GALNT16: variants seen among roughly 807,000 people sequenced by gnomAD.
GALNT16 encodes the protein polypeptide N-acetylgalactosaminyltransferase 16, also known as UDP-GalNAc:polypeptide N-acetylgalactosaminyltransferase-like protein 1.
Under a neutral mutation model 76.1 loss-of-function variants are expected in GALNT16, and 40 were observed. The ratio of observed to expected loss-of-function variants is 0.53; its 90% CI spans 0.41 to 0.68. The LOEUF is 0.68. GALNT16 is among the 30% of genes least tolerant of loss of function. The pLI is 0.00. For missense variants in GALNT16, 621 were observed against 731.9 expected (o/e 0.85, Z 1.75); for synonymous variants, 276 against 285.2 (o/e 0.97, Z 0.32).
At chr14:69,321,605 T>C (rs182938466) in intron 2 of GALNT16, among the ~76,000 whole-genome samples, 1 of 152,072 alleles carries the variant, frequency 6.6e-6, no homozygotes, top group African/African-American at 2.4e-5. Context: ...CCCCAGCACT[T>C]GATGGTCCTG....
chr14:69,333,781 C>T lies in GALNT16; in HGVS notation c.967+181C>T. ...GATCTCCATTTTACTGATTTTAAAA[C>T]CCAAGGCACAGAGAAGTTAAGCAAT... On this transcript the variant is annotated intron_variant, in intron 9 of 14. Coordinates refer to ENST00000448469, the MANE Select transcript of GALNT16 (RefSeq NM_001168368.2). This position sits in a 1 kb window ranked among gnomAD's most constrained non-coding sequence, Gnocchi z 4.2. 3.6e-6 allele frequency: 2 copies of T among 558,186 alleles called. No individual in the cohort carries two copies. Among genetic ancestry groups the T allele is most frequent in the South Asian group, 2.3e-5 (1 of 43,924 alleles). The allele number at this position is 558,186 out of a possible 1,614,324, so 34.6% of individuals were successfully genotyped here. A position where few individuals can be genotyped will look rare whatever the true frequency, so the allele number is the denominator to read the frequency against.
At chr14:69,334,660 G>C (rs1167020594) in intron 9 of GALNT16, among the ~76,000 whole-genome samples, 1 of 152,156 alleles carries the variant, frequency 6.6e-6, no homozygotes, top group East Asian at 1.9e-4. Context: ...CCACGATGGA[G>C]CTGTGGTCTT....
chr14:69,299,401 A>G (rs944748413), intron 1 of GALNT16, among the ~76,000 whole-genome samples: 1 of 152,168 alleles, frequency 6.6e-6, no homozygotes, highest in African/African-American at 2.4e-5. Context: ...ATCTGGCAGT[A>G]CTTTGGAATG....
intron 1 of GALNT16, among the ~76,000 whole-genome samples, chr14:69,274,637 A>T (rs139863522): frequency 1.3e-5 from 2 of 152,300 alleles, no homozygotes; most frequent in African/African-American, 4.8e-5. Context: ...AGAGCAAGCA[A>T]TCTGGGAGAC....
chr14:69,279,558 A>G (rs73290580), intron 1 of GALNT16, among the ~76,000 whole-genome samples: 1,900 of 152,366 alleles, frequency 0.012, 40 homozygotes, highest in African/African-American at 0.042. Flanking sequence ...GCTGGTTTAC[A>G]AGGATAAGTA....
intron 1 of GALNT16, among the ~76,000 whole-genome samples, chr14:69,270,278 A>G (rs891178597): frequency 5.3e-5 from 8 of 152,118 alleles, no homozygotes; most frequent in Non-Finnish European, 8.8e-5. Context: ...GGTTGATAAA[A>G]GGGGCTGCCC....
intron 1 of GALNT16, among the ~76,000 whole-genome samples, chr14:69,304,836 T>G (rs1182519863): frequency 6.6e-6 from 1 of 152,264 alleles, no homozygotes; most frequent in East Asian, 1.9e-4. Context: ...TTTCATTGTA[T>G]GCATCTACCA....
intron 12 of GALNT16, among the ~76,000 whole-genome samples, chr14:69,342,564 G>A (rs1772671277): frequency 6.6e-6 from 1 of 150,744 alleles, no homozygotes. Context: ...CAACAATAGG[G>A]GTTGGCTTCA....
At chr14:69,296,111 C>A (rs1199172283) in intron 1 of GALNT16, among the ~76,000 whole-genome samples, 1 of 152,128 alleles carries the variant, frequency 6.6e-6, no homozygotes, top group African/African-American at 2.4e-5. Flanking sequence ...CAGGAAACTT[C>A]CAATCATGGG....
At chr14:69,301,009 C>T (rs929880167) in intron 1 of GALNT16, among the ~76,000 whole-genome samples, 3 of 152,206 alleles carry the variant, frequency 2.0e-5, no homozygotes, top group African/African-American at 7.2e-5. Flanking sequence ...AGGCAGCCCC[C>T]TGGGAGTGCT....
intron 1 of GALNT16, among the ~76,000 whole-genome samples, chr14:69,288,056 G>A (rs4902712): frequency 0.69 from 104,565 of 152,084 alleles, 36,771 homozygotes; most frequent in East Asian, 1. Flanking sequence ...AAAGCAAACT[G>A]ACAGTGTCTG....
At chr14:69,343,885 C>G (rs183462742) in intron 12 of GALNT16, among the ~76,000 whole-genome samples, 2 of 152,206 alleles carry the variant, frequency 1.3e-5, no homozygotes, top group South Asian at 4.1e-4. Context: ...GAACCAGCTA[C>G]GTCGATGAGG....
intron 1 of GALNT16, among the ~76,000 whole-genome samples, chr14:69,301,631 A>AC (rs2044853622): frequency 6.6e-6 from 1 of 152,028 alleles, no homozygotes; most frequent in Non-Finnish European, 1.5e-5. Context: ...GAACTACTGC[A>AC]CCCAGCCCAA....
intron 1 of GALNT16, among the ~76,000 whole-genome samples, chr14:69,306,002 A>G (rs1261221273): frequency 1.3e-5 from 2 of 152,152 alleles, no homozygotes; most frequent in Non-Finnish European, 2.9e-5. Context: ...TTTTCCCAGC[A>G]CTATTTGTAG....
At chr14:69,281,560 T>C (rs376004283) in intron 1 of GALNT16, among the ~76,000 whole-genome samples, 2 of 152,152 alleles carry the variant, frequency 1.3e-5, no homozygotes, top group East Asian at 3.9e-4. Context: ...CCGCTTTCAA[T>C]GTTCTGTGAG....
chr14:69,295,486 G>A (rs560892773), intron 1 of GALNT16, among the ~76,000 whole-genome samples: 3 of 151,630 alleles, frequency 2.0e-5, no homozygotes, highest in African/African-American at 7.3e-5. Flanking sequence ...TTGGGAGGCC[G>A]AGGTGGGCAG....
At chr14:69,290,671 G>A (rs1249448838) in intron 1 of GALNT16, among the ~76,000 whole-genome samples, 3 of 152,198 alleles carry the variant, frequency 2.0e-5, no homozygotes, top group Admixed American at 6.5e-5. Context: ...AATTCAGACT[G>A]GCTTAGGAAA....
chr14:69,343,354 T>C (rs76181028), intron 12 of GALNT16, among the ~76,000 whole-genome samples: 2 of 152,318 alleles, frequency 1.3e-5, no homozygotes, highest in African/African-American at 4.8e-5. Context: ...AAGCTAGAGA[T>C]GATTAACCCT....
Position 69,260,217 on chromosome 14 carries a change from G to T in GALNT16, c.-74G>T, listed in dbSNP as rs1403283273. 4.5e-6 allele frequency: 5 copies of T among 1,111,298 alleles called. No homozygotes were observed. Among genetic ancestry groups the T allele is most frequent in the Non-Finnish European group, 6.5e-6 (5 of 770,988 alleles). 68.8% of individuals were successfully genotyped at this position (1,111,298 alleles called of 1,614,324 possible). A position where few individuals can be genotyped will look rare whatever the true frequency, so the allele number is the denominator to read the frequency against. On this transcript the variant is annotated 5_prime_UTR_variant, in exon 1 of 15. Transcript: ENST00000448469. ...GCGCGAGCGAAAACAAACAGCTGGG[G>T]CTGCGAGCGCCCCCGCCCCGGCCCC...
Sources: gnomAD v4.1 joint callset for allele counts (sites outside exome capture counted in the v4.1 genomes callset) on GRCh38, gnomAD v4.1.1 for gene constraint, Gnocchi (gnomAD v3.1) non-coding constraint, MANE v1.5 for transcripts, NCBI Gene and HGNC (gene_info 2026-07-23, HGNC 2026-07-21) for gene names.